YME1L1: variants seen among roughly 807,000 people sequenced by gnomAD.
YME1L1 encodes the protein ATP-dependent zinc metalloprotease YME1L1.
Under a neutral mutation model 90.4 loss-of-function variants are expected in YME1L1, and 39 were observed. That is an observed-to-expected ratio of 0.43 (90% confidence interval 0.33 to 0.56). YME1L1 has a LOEUF of 0.56. YME1L1 is among the 20% of genes least tolerant of loss of function. The pLI is 0.03. For synonymous variants in YME1L1, 284 were observed against 287.3 expected (o/e 0.99, Z 0.12); for missense variants, 617 against 868.4 (o/e 0.71, Z 3.64).
intron 2 of YME1L1, chr10:27,147,701 G>A (rs1344713834): frequency 2.6e-6 from 4 of 1,548,712 alleles, no homozygotes; most frequent in Non-Finnish European, 3.5e-6. Context: ...TCCTGGTTGT[G>A]GTATGCTCAT....
intron 13 of YME1L1, 51 bp downstream of exon 13, chr10:27,120,384 G>T: frequency 7.6e-7 from 1 of 1,309,904 alleles, no homozygotes; most frequent in Non-Finnish European, 1.1e-6. Context: ...AACAGGGTGA[G>T]TGGTATATTA....
chr10:27,148,977 G>C lies in YME1L1; in HGVS notation c.97C>G (p.Leu33Val), dbSNP rs768271386. 2.5e-6 allele frequency: 4 copies of C among 1,613,890 alleles called. No individual in the cohort carries two copies. The highest frequency in any genetic ancestry group is 3.4e-6 in the Non-Finnish European group (4 of 1,179,960). Reference sequence around the variant, plus strand: ...TTTTGAGAAACTGACACTCCACTGAGAGAAACAGAAGTGTTTTTTGGTGTA... The same window carrying C: ...TTTTGAGAAACTGACACTCCACTGACAGAAACAGAAGTGTTTTTTGGTGTA... ...FHTPKNTSVS[L>V]SGVSVSQNQH... Residue 33 changes from leucine to valine, a missense_variant, in exon 2 of 19, where the codon CTC (leucine) becomes GTC (valine). Leu to Val is a conservative substitution (Grantham distance 32). This residue lies in a region of YME1L1 where 311 missense variants were observed against 335.8 expected (regional missense o/e 0.93). Coordinates refer to ENST00000376016, the MANE Select transcript of YME1L1 (RefSeq NM_014263.4).
chr10:27,139,927 T>C (rs1299982287), intron 4 of YME1L1, among the ~76,000 whole-genome samples: 2 of 152,246 alleles, frequency 1.3e-5, no homozygotes, highest in Non-Finnish European at 2.9e-5. Flanking sequence ...CCACCTATTA[T>C]TTTAAAATGT....
intron 1 of YME1L1, among the ~76,000 whole-genome samples, chr10:27,151,990 T>TTA (rs1302147499): frequency 6.6e-6 from 1 of 151,964 alleles, no homozygotes; most frequent in African/African-American, 2.4e-5. Context: ...AGTAATGAGA[T>TTA]TATGGGCGAT....
Position 27,154,160 on chromosome 10 carries a change from G to A in YME1L1, c.33+18C>T. The A allele has an allele frequency of 6.3e-7, 1 of 1,583,614 alleles. No homozygotes were observed. The highest frequency in any genetic ancestry group is 8.6e-7 in the Non-Finnish European group (1 of 1,163,838). On this transcript the variant is annotated intron_variant, in intron 1 of 18. Transcript: ENST00000376016. ...GGCAGGGCGGGAGGAAAAAAAATGG[G>A]CTGAATGCCTGGCTTACCTGGGGTT...
intron 17 of YME1L1, among the ~76,000 whole-genome samples, chr10:27,115,117 G>C (rs1369368137): frequency 6.6e-6 from 1 of 151,940 alleles, no homozygotes; most frequent in Admixed American, 6.6e-5. Flanking sequence ...GCCAGGCATG[G>C]TGGCAGGTGA....
At chr10:27,145,320 G>A in intron 3 of YME1L1, 108 bp downstream of exon 3, 2 of 960,382 alleles carry the variant, frequency 2.1e-6, no homozygotes, top group Non-Finnish European at 1.4e-6. Context: ...AACACTTCAG[G>A]AAAGAACCCA....
chr10:27,117,320 C>G (rs1486641996), intron 15 of YME1L1, among the ~76,000 whole-genome samples: 1 of 152,190 alleles, frequency 6.6e-6, no homozygotes, highest in African/African-American at 2.4e-5. Context: ...GTAATCCCAG[C>G]ACTTTGGGAG....
chr10:27,138,367 T>TA (rs1395964835), intron 4 of YME1L1, among the ~76,000 whole-genome samples: 1 of 152,120 alleles, frequency 6.6e-6, no homozygotes, highest in African/African-American at 2.4e-5. Context: ...AGTGGGTCAT[T>TA]AGAGTTTTGA....
chr10:27,113,597 A>C (rs1046462976), intron 18 of YME1L1, among the ~76,000 whole-genome samples: 3 of 151,286 alleles, frequency 2.0e-5, no homozygotes, highest in Non-Finnish European at 4.4e-5. Flanking sequence ...ACTTGAACCC[A>C]GAAGGCGGAA....
At chr10:27,142,326 C>A in intron 4 of YME1L1, 61 bp downstream of exon 4, 4 of 994,750 alleles carry the variant, frequency 4.0e-6, no homozygotes, top group Non-Finnish European at 5.6e-6. Context: ...TTAAGAAAGA[C>A]AAATCAGACT....
At chr10:27,151,723 T>C (rs955737178) in intron 1 of YME1L1, among the ~76,000 whole-genome samples, 1 of 151,838 alleles carries the variant, frequency 6.6e-6, no homozygotes, top group Non-Finnish European at 1.5e-5. Flanking sequence ...CTACTAAAAA[T>C]ACAAAAAATT....
At chr10:27,145,932 T>C (rs2057139514) in intron 2 of YME1L1, 1 of 162,744 alleles carries the variant, frequency 6.1e-6, no homozygotes, top group Non-Finnish European at 1.3e-5. Flanking sequence ...GTGAAATGTA[T>C]GGCATTTTTT....
At chr10:27,133,352 G>C (rs2056995375) in intron 7 of YME1L1, among the ~76,000 whole-genome samples, 1 of 152,126 alleles carries the variant, frequency 6.6e-6, no homozygotes, top group Non-Finnish European at 1.5e-5. Flanking sequence ...TTCCAAACTA[G>C]AGCAGTTATA....
chr10:27,119,821 CA>C (rs34827143), intron 13 of YME1L1, among the ~76,000 whole-genome samples: 35,172 of 132,606 alleles, frequency 0.27, 4,563 homozygotes, highest in East Asian at 0.58. Flanking sequence ...AAAAAAAAAC[CA>C]AAAAAAAAAA....
At chr10:27,151,435 C>T (rs899374194) in intron 1 of YME1L1, among the ~76,000 whole-genome samples, 4 of 152,206 alleles carry the variant, frequency 2.6e-5, no homozygotes, top group African/African-American at 7.2e-5. Flanking sequence ...AATGGACTAA[C>T]GCCATTATTG....
intron 14 of YME1L1, 34 bp from the exon 15 acceptor site, chr10:27,117,761 A>T: frequency 6.2e-7 from 1 of 1,605,636 alleles, no homozygotes; most frequent in South Asian, 1.1e-5. Flanking sequence ...ATACTCCATT[A>T]GAAAGGTATA....
chr10:27,140,196 G>A (rs2057072694), intron 4 of YME1L1, among the ~76,000 whole-genome samples: 1 of 151,922 alleles, frequency 6.6e-6, no homozygotes, highest in Admixed American at 6.6e-5. Flanking sequence ...TGGAGAACGG[G>A]GTTTTACCAT....
chr10:27,126,442 T>TA (rs916275553), intron 9 of YME1L1, among the ~76,000 whole-genome samples: 3 of 151,908 alleles, frequency 2.0e-5, no homozygotes, highest in Non-Finnish European at 4.4e-5. Flanking sequence ...AATTTGTGAG[T>TA]CTAGGTAAAG....
Sources: gnomAD v4.1 joint callset for allele counts (sites outside exome capture counted in the v4.1 genomes callset) on GRCh38, gnomAD v4.1.1 for gene constraint, gnomAD v4.1.1 regional missense constraint, MANE v1.5 for transcripts, NCBI Gene and HGNC (gene_info 2026-07-23, HGNC 2026-07-21) for gene names.